Variants in PRPSAP2 observed in about 807,000 individuals in gnomAD.
PRPSAP2 encodes the protein phosphoribosyl pyrophosphate synthetase associated protein 2, also known as phosphoribosyl pyrophosphate synthase-associated protein 2.
PRPSAP2 carries 24 observed loss-of-function variants against 40.6 expected under a neutral mutation model. The observed-to-expected ratio is 0.59, with a 90% CI of 0.43 to 0.83. The LOEUF (loss-of-function observed/expected upper bound fraction) is 0.83, where lower values mean the gene tolerates loss of function less well. Ranked by LOEUF, PRPSAP2 falls within the 40% of genes least tolerant of loss-of-function variation. The pLI is 0.00. For synonymous variants in PRPSAP2, 149 were observed against 164.7 expected, an observed-to-expected ratio of 0.90 and a Z score of 0.73; for missense variants, 292 against 465.6, an observed-to-expected ratio of 0.63 and a Z score of 3.43.
intron 1 of PRPSAP2, among the ~76,000 whole-genome samples, chr17:18,863,821 A>G (rs904294151): frequency 2.2e-5 from 3 of 138,076 alleles, no homozygotes; most frequent in African/African-American, 8.2e-5. Context: ...GGCGTAAGCC[A>G]CTGCGTGGCC....
rs142371897 is a variant in PRPSAP2, at chr17:18,864,698, C to T, written c.-128-771C>T. 3.3e-3 allele frequency among the ~76,000 whole-genome samples: 497 copies of T among 152,322 alleles called. 1 individual carries two copies. Among genetic ancestry groups the T allele is most frequent in the African/African-American group, 0.012 (481 of 41,560 alleles). ...AGTTTCAGCTCATTGATGATCTACA[C>T]CAGCCTTCCCAGAGGTCCCAGGTGA... On this transcript the variant is annotated intron_variant, in intron 1 of 11. Transcript: ENST00000268835.
chr17:18,869,519 T>C (rs866046961), intron 4 of PRPSAP2, among the ~76,000 whole-genome samples: 2 of 150,054 alleles, frequency 1.3e-5, no homozygotes, highest in East Asian at 3.9e-4. Context: ...TTTTTTTTTT[T>C]AAATATGGAG....
intron 7 of PRPSAP2, among the ~76,000 whole-genome samples, chr17:18,885,402 A>G (rs1255686701): frequency 7.4e-6 from 1 of 135,624 alleles, no homozygotes; most frequent in Non-Finnish European, 1.5e-5. Context: ...ATTCCTTCTC[A>G]CAAAAAAAAA....
At chr17:18,864,920 C>G (rs2151880720) in intron 1 of PRPSAP2, 1 of 152,310 alleles carries the variant, frequency 6.6e-6, no homozygotes, top group South Asian at 2.1e-4. Flanking sequence ...GATCTCAGCT[C>G]ACTGCAACCT....
At chr17:18,873,049 C>T (rs1039012078) in intron 5 of PRPSAP2, among the ~76,000 whole-genome samples, 1 of 151,896 alleles carries the variant, frequency 6.6e-6, no homozygotes, top group Non-Finnish European at 1.5e-5. Flanking sequence ...ACCATGTTGG[C>T]CAGACTGGTC....
intron 9 of PRPSAP2, among the ~76,000 whole-genome samples, chr17:18,922,257 G>T (rs911771889): frequency 1.3e-5 from 2 of 152,160 alleles, no homozygotes; most frequent in Non-Finnish European, 2.9e-5. Flanking sequence ...ATTCATGTAT[G>T]AGTTTTCTGT....
Position 18,930,731 on chromosome 17 carries a change from C to T in PRPSAP2, c.*33C>T. 1 of 1,583,638 alleles carries T rather than the reference C, an allele frequency of 6.3e-7. No homozygotes were observed. The highest frequency in any genetic ancestry group is 8.6e-7 in the Non-Finnish European group (1 of 1,157,606). On this transcript the variant is annotated 3_prime_UTR_variant, in exon 12 of 12. Transcript: ENST00000268835. ...TTTAGGAAAACTCCCGAGGGCCAAA[C>T]TGGAAACATAAGAGTGACTGCTCGG...
At chr17:18,870,808 CAAA>C (rs59205286) in intron 4 of PRPSAP2, among the ~76,000 whole-genome samples, 73,353 of 125,384 alleles carry the variant, frequency 0.59, 18,947 homozygotes, top group Middle Eastern at 0.63. Context: ...GACCTTGTCT[CAAA>C]AAAAAAAAAA....
At chr17:18,860,989 C>T (rs2036964912) in intron 1 of PRPSAP2, among the ~76,000 whole-genome samples, 1 of 152,116 alleles carries the variant, frequency 6.6e-6, no homozygotes, top group Non-Finnish European at 1.5e-5. Context: ...GCAGTTATAG[C>T]TCATGGGGAA....
At chr17:18,886,644 C>T (rs2039168678) in intron 7 of PRPSAP2, among the ~76,000 whole-genome samples, 1 of 152,086 alleles carries the variant, frequency 6.6e-6, no homozygotes, top group Non-Finnish European at 1.5e-5. Flanking sequence ...AGGTGTGAGC[C>T]ACCGCGCCCA....
At chr17:18,910,784 C>T (rs560064549) in intron 8 of PRPSAP2, among the ~76,000 whole-genome samples, 139 of 152,286 alleles carry the variant, frequency 9.1e-4, no homozygotes, top group Admixed American at 2.3e-3. Context: ...GGTAGGCAGG[C>T]AGGTAGAATT....
intron 8 of PRPSAP2, among the ~76,000 whole-genome samples, chr17:18,890,232 CG>C: frequency 6.6e-6 from 1 of 151,776 alleles, no homozygotes; most frequent in Non-Finnish European, 1.5e-5. Flanking sequence ...TGCAGTGGCG[CG>C]ATCTCGGCTC....
chr17:18,902,732 G>A (rs1285416961), intron 8 of PRPSAP2, among the ~76,000 whole-genome samples: 1 of 152,000 alleles, frequency 6.6e-6, no homozygotes, highest in Non-Finnish European at 1.5e-5. Context: ...AGCGGGGCAT[G>A]GTGGCGCACG....
At chr17:18,907,049 G>A (rs2040640033) in intron 8 of PRPSAP2, among the ~76,000 whole-genome samples, 1 of 151,790 alleles carries the variant, frequency 6.6e-6, no homozygotes, top group African/African-American at 2.4e-5. Flanking sequence ...TAGTACTAGT[G>A]GGATTCAGTA....
intron 8 of PRPSAP2, among the ~76,000 whole-genome samples, chr17:18,897,991 C>CTTTTTTTTTTTTTTTT (rs71155370): frequency 1.7e-5 from 2 of 116,332 alleles, no homozygotes; most frequent in African/African-American, 3.2e-5. Context: ...AGAATTTTTG[C>CTTTTTTTTTTTTTTTT]TTTTTTTTTT....
chr17:18,901,388 A>AT (rs960094683), intron 8 of PRPSAP2, among the ~76,000 whole-genome samples: 10 of 149,926 alleles, frequency 6.7e-5, no homozygotes, highest in Admixed American at 1.3e-4. Context: ...GTGTCTTCTC[A>AT]TTTTTTTTTG....
intron 4 of PRPSAP2, among the ~76,000 whole-genome samples, chr17:18,867,766 T>C (rs1348387450): frequency 6.6e-6 from 1 of 152,220 alleles, no homozygotes; most frequent in African/African-American, 2.4e-5. Context: ...CTTCATAAAA[T>C]ATTGTTAAGA....
At chr17:18,893,151 ATCT>A (rs1177007938) in intron 8 of PRPSAP2, among the ~76,000 whole-genome samples, 4 of 123,596 alleles carry the variant, frequency 3.2e-5, no homozygotes, top group South Asian at 2.5e-4. Context: ...AGTTCAATTT[ATCT>A]TTTTTTTTTT....
At chr17:18,856,688 G>A (rs138689902), upstream of PRPSAP2, among the ~76,000 whole-genome samples, 147 of 152,332 alleles carry the variant, frequency 9.6e-4, 1 homozygote, top group African/African-American at 3.5e-3. Flanking sequence ...GAATTGGAGA[G>A]AAGATGTGGT....
Sources: allele counts gnomAD v4.1 joint callset (sites outside exome capture counted in the v4.1 genomes callset), GRCh38; gene constraint gnomAD v4.1.1; transcripts MANE v1.5; gene names NCBI Gene and HGNC (gene_info 2026-07-23, HGNC 2026-07-21).